The following CFAP61 variants were observed in gnomAD, a reference collection of about 807,000 sequenced individuals.
CFAP61 encodes cilia- and flagella-associated protein 61.
Under a neutral mutation model 135.6 loss-of-function variants are expected in CFAP61, and 107 were observed. The observed-to-expected ratio is 0.79, with a 90% confidence interval of 0.67 to 0.93. The LOEUF (loss-of-function observed/expected upper bound fraction) is 0.93. CFAP61 is among the 40% of genes least tolerant of loss of function. CFAP61 has a pLI of 0.00. For missense variants in CFAP61, 1,507 were observed against 1,556.2 expected (o/e 0.97, Z 0.53); for synonymous variants, 575 against 578.5 (o/e 0.99, Z 0.09).
At chr20:20,328,456 G>A (rs1486218983) in intron 25 of CFAP61, among the ~76,000 whole-genome samples, 1 of 152,180 alleles carries the variant, frequency 6.6e-6, no homozygotes, top group Non-Finnish European at 1.5e-5. Flanking sequence ...AAGAGGAACA[G>A]CTCCTTGACA....
chr20:20,156,490 T>C (rs2052918392), intron 9 of CFAP61, among the ~76,000 whole-genome samples: 1 of 152,162 alleles, frequency 6.6e-6, no homozygotes, highest in Admixed American at 6.5e-5. Context: ...AGAATGCCTT[T>C]TCTCACCACT....
At chr20:20,187,896 T>C (rs1203410934) in intron 13 of CFAP61, 34 bp from the exon 14 acceptor site, 2 of 1,571,412 alleles carry the variant, frequency 1.3e-6, no homozygotes, top group African/African-American at 2.7e-5. Flanking sequence ...TATTTAGTAC[T>C]TTAACTTAAA....
intron 17 of CFAP61, among the ~76,000 whole-genome samples, chr20:20,211,512 G>GA (rs542745575): frequency 1.3e-4 from 20 of 151,954 alleles, no homozygotes; most frequent in East Asian, 9.7e-4. Context: ...AAAAACAGGG[G>GA]AAAAAAACAG....
Position 20,211,035 on chromosome 20 carries a change from C to G in CFAP61, c.1932+11133C>G, listed in dbSNP as rs1051282051. 1.8e-4 allele frequency among the ~76,000 whole-genome samples: 28 copies of G among 152,260 alleles called. 1 individual carries two copies. Among genetic ancestry groups the G allele is most frequent in the Middle Eastern group, 3.4e-3 (1 of 294 alleles). On this transcript the variant is annotated intron_variant, in intron 17 of 26. Coordinates refer to ENST00000245957, the MANE Select transcript of CFAP61 (RefSeq NM_015585.4). ...AAAGATCAGGAAAAACAACCGAGAA[C>G]CTAGAGAGGTTTTACATTCAAATTA...
At chr20:20,232,321 G>T (rs912632330) in intron 18 of CFAP61, among the ~76,000 whole-genome samples, 1 of 151,310 alleles carries the variant, frequency 6.6e-6, no homozygotes, top group Non-Finnish European at 1.5e-5. Context: ...ACTCTTTCAG[G>T]TTTCCACAAA....
chr20:20,300,472 T>C (rs925377228), intron 25 of CFAP61, among the ~76,000 whole-genome samples: 2 of 152,172 alleles, frequency 1.3e-5, no homozygotes, highest in African/African-American at 2.4e-5. Context: ...TAGGCTAATG[T>C]GTGTGTTTGT....
intron 10 of CFAP61, among the ~76,000 whole-genome samples, chr20:20,163,195 G>A (rs745981496): frequency 4.5e-4 from 68 of 152,180 alleles, no homozygotes; most frequent in Non-Finnish European, 1.3e-4. Context: ...CCATATGCAT[G>A]TATTACTTTG....
chr20:20,064,244 A>T (rs1007062729), intron 2 of CFAP61, among the ~76,000 whole-genome samples: 10 of 152,126 alleles, frequency 6.6e-5, no homozygotes, highest in Admixed American at 6.5e-4. Context: ...GCGACAGGAG[A>T]ACTAACAGGA....
rs1392638077 is a variant in CFAP61 at position 20,277,268 on chromosome 20, C to T, written c.2606C>T (p.Pro869Leu). Residue 869 changes from proline to leucine, a missense_variant, in exon 22 of 27, where the codon CCG (proline) becomes CTG (leucine). Coordinates refer to ENST00000245957, the MANE Select transcript of CFAP61 (RefSeq NM_015585.4). The stretch of plus-strand genomic sequence containing the variant: ...AGCCGCATCCACCTCGTGCAGCCCC[C>T]GCCCGCCTCCACCATCACCTGCATC... ...SGSRIHLVQP[P>L]PASTITCINN... 6.2e-7 allele frequency: 1 copy of T among 1,614,084 alleles called. No homozygotes were observed. Among genetic ancestry groups the T allele is most frequent in the South Asian group, 1.1e-5 (1 of 91,076 alleles).
At chr20:20,071,649 T>C (rs971752884) in intron 3 of CFAP61, among the ~76,000 whole-genome samples, 3 of 152,090 alleles carry the variant, frequency 2.0e-5, no homozygotes, top group Non-Finnish European at 2.9e-5. Flanking sequence ...GGCCTTGTGG[T>C]GGAATTCTGC....
chr20:20,198,363 A>C (rs1439827058), intron 16 of CFAP61, among the ~76,000 whole-genome samples: 1 of 152,212 alleles, frequency 6.6e-6, no homozygotes, highest in Non-Finnish European at 1.5e-5. Context: ...GTCCATTTGC[A>C]TCCATAATAA....
In CFAP61 at chr20:20,114,772, T is replaced by C. The variant is rs575355476; in HGVS notation, c.859+15958T>C. Reference sequence around the variant, plus strand: ...TTTATCTACTGGCTAATACCTTAAATAGAAATGGCATTAACAGGCATCCTT... The same window carrying C: ...TTTATCTACTGGCTAATACCTTAAACAGAAATGGCATTAACAGGCATCCTT... On this transcript the variant is annotated intron_variant, in intron 8 of 26. Transcript: ENST00000245957. Among the ~76,000 whole-genome samples, 53 of 152,326 alleles carry C rather than the reference T, an allele frequency of 3.5e-4. No individual in the cohort carries two copies. The South Asian group carries it at 0.011, about 32-fold the overall frequency.
rs777602241 is a variant in CFAP61, at chr20:20,246,187, A to G, written c.2131A>G (p.Thr711Ala). 1.2e-6 allele frequency: 2 copies of G among 1,613,472 alleles called. No individual in the cohort carries two copies. The highest frequency in any genetic ancestry group is 1.1e-5 in the South Asian group (1 of 91,068). Residue 711 changes from threonine (T) to alanine (A), a missense_variant, in exon 19 of 27, where the codon ACT becomes GCT. Transcript: ENST00000245957. The part of the protein sequence containing the change: ...HGLPGKKLLD[T>A]EQRKFLASDH... ...ACTCCCAGGAAAAAAACTTCTGGAC[A>G]CTGAACAAAGGAAATTTTTAGCCAG... is the stretch of plus-strand genomic sequence containing the variant.
At chr20:20,071,039 C>T (rs1263340867) in intron 3 of CFAP61, 35 bp downstream of exon 3, 4 of 1,602,810 alleles carry the variant, frequency 2.5e-6, no homozygotes, top group Non-Finnish European at 3.4e-6. Flanking sequence ...TTAGAACACC[C>T]TGAATCTTGA....
intron 8 of CFAP61, among the ~76,000 whole-genome samples, chr20:20,120,284 T>G (rs6136944): frequency 1.3e-5 from 2 of 152,198 alleles, no homozygotes; most frequent in Admixed American, 1.3e-4. Context: ...CTATGAACTT[T>G]CCTGTTAGTA....
At chr20:20,348,949 C>G (rs1220220165) in intron 26 of CFAP61, among the ~76,000 whole-genome samples, 4 of 152,142 alleles carry the variant, frequency 2.6e-5, no homozygotes, top group African/African-American at 9.7e-5. Context: ...ACAAGGATGC[C>G]TGCTTTCACC....
intron 26 of CFAP61, among the ~76,000 whole-genome samples, chr20:20,344,662 T>C (rs2058568933): frequency 6.6e-6 from 1 of 151,874 alleles, no homozygotes; most frequent in Non-Finnish European, 1.5e-5. Flanking sequence ...GGAGTGAAAA[T>C]TAGTATAGCC....
intron 24 of CFAP61, among the ~76,000 whole-genome samples, chr20:20,295,790 C>T (rs1040559712): frequency 1.3e-5 from 2 of 151,312 alleles, no homozygotes; most frequent in African/African-American, 2.4e-5. Context: ...GCTCAGACCA[C>T]GAAGTCAGGA....
intron 6 of CFAP61, among the ~76,000 whole-genome samples, chr20:20,084,588 G>T (rs2046663869): frequency 6.6e-6 from 1 of 152,220 alleles, no homozygotes; most frequent in African/African-American, 2.4e-5. Flanking sequence ...GCAGCAGCCA[G>T]GCTGTGGAGG....
Sources: gnomAD v4.1 joint callset for allele counts (sites outside exome capture counted in the v4.1 genomes callset) on GRCh38, gnomAD v4.1.1 for gene constraint, MANE v1.5 for transcripts, NCBI Gene and HGNC (gene_info 2026-07-23, HGNC 2026-07-21) for gene names.